LPP: variants seen among roughly 807,000 people sequenced by gnomAD.
The protein encoded by LPP is lipoma-preferred partner.
In LPP, 38 loss-of-function variants were observed where a neutral mutation model predicts 60.4. The ratio of observed to expected loss-of-function variants is 0.63; its 90% CI spans 0.49 to 0.83. The LOEUF is 0.83. Among genes scored for constraint, LPP ranks in the 40% least tolerant of loss-of-function variants. The pLI, the probability that LPP is intolerant of heterozygous loss-of-function variation, is 0.00. For missense variants in LPP, 902 were observed against 783.6 expected (o/e 1.15, Z -1.80); for synonymous variants, 328 against 290.8 (o/e 1.13, Z -1.30).
At chr3:188,227,158 T>A (rs112627556) in intron 2 of LPP, among the ~76,000 whole-genome samples, 4,425 of 151,448 alleles carry the variant, frequency 0.029, 225 homozygotes, top group African/African-American at 0.099. Context: ...AAGAGACTTT[T>A]ATTTATTTAT....
intron 9 of LPP, among the ~76,000 whole-genome samples, chr3:188,797,784 G>A (rs139895266): frequency 5.0e-3 from 757 of 152,308 alleles, no homozygotes; most frequent in Admixed American, 8.3e-3. Context: ...GCATTTATAT[G>A]TGTATGTATT....
intron 10 of LPP, among the ~76,000 whole-genome samples, chr3:188,872,393 G>T (rs761171548): frequency 6.6e-6 from 1 of 152,140 alleles, no homozygotes; most frequent in Non-Finnish European, 1.5e-5. Flanking sequence ...CGCGCACCAT[G>T]CAGGAAAGAG....
chr3:188,877,546 T>C lies in LPP; in HGVS notation c.*3067T>C. On this transcript the variant is annotated 3_prime_UTR_variant, in exon 12 of 12. Transcript: ENST00000617246. ...AGTCTCACTGGCCAAGAAAATTGCC[T>C]TTAAAACTCGAAAATAAGGCCAGGT... is the stretch of plus-strand genomic sequence containing the variant. The C allele has an allele frequency of 5.3e-6, 1 of 187,344 alleles. No homozygotes were observed. The highest frequency in any genetic ancestry group is 1.1e-5 in the Non-Finnish European group (1 of 88,692). 11.6% of individuals were successfully genotyped at this position (187,344 alleles called of 1,614,324 possible). A position where few individuals can be genotyped will look rare whatever the true frequency, so the allele number is the denominator to read the frequency against.
At chr3:188,346,357 T>G (rs977885716) in intron 3 of LPP, among the ~76,000 whole-genome samples, 1 of 149,120 alleles carries the variant, frequency 6.7e-6, no homozygotes, top group Non-Finnish European at 1.5e-5. Context: ...CCTCCCAGGT[T>G]CAAGCAATTC....
In LPP at chr3:188,874,817, G is replaced by T. The variant is rs1342169993; in HGVS notation, c.*338G>T. ...TGGTTGAATGGCTTTTCTTAGTGTGGTATTTGCTGTCACATAGTTTTTCCT... is the reference window on the plus strand; with the variant it reads ...TGGTTGAATGGCTTTTCTTAGTGTGTTATTTGCTGTCACATAGTTTTTCCT... On this transcript the variant is annotated 3_prime_UTR_variant, in exon 12 of 12. Coordinates refer to ENST00000617246, the MANE Select transcript of LPP (RefSeq NM_001375462.1). The T allele has an allele frequency of 8.0e-6, 2 of 250,254 alleles. No homozygotes were observed. Among genetic ancestry groups the T allele is most frequent in the Non-Finnish European group, 1.6e-5 (2 of 128,450 alleles). 15.5% of individuals were successfully genotyped at this position (250,254 alleles called of 1,614,324 possible).
intron 2 of LPP, among the ~76,000 whole-genome samples, chr3:188,282,208 C>T (rs939952249): frequency 6.6e-6 from 1 of 151,586 alleles, no homozygotes; most frequent in Admixed American, 6.6e-5. Flanking sequence ...ATATGGGGCT[C>T]AGTGGCCAGG....
intron 7 of LPP, among the ~76,000 whole-genome samples, chr3:188,619,231 G>A (rs1352687596): frequency 2.6e-5 from 4 of 152,126 alleles, no homozygotes; most frequent in African/African-American, 9.7e-5. Context: ...TACCATGTTG[G>A]CTAGGTTGGT....
At chr3:188,298,292 G>A (rs548084129) in intron 2 of LPP, among the ~76,000 whole-genome samples, 5 of 152,238 alleles carry the variant, frequency 3.3e-5, no homozygotes, top group East Asian at 3.9e-4. Flanking sequence ...AATGGATGCC[G>A]TTCTGTTATC....
intron 8 of LPP, among the ~76,000 whole-genome samples, chr3:188,730,114 A>G (rs1413063861): frequency 6.6e-6 from 1 of 152,178 alleles, no homozygotes. Context: ...CTAAGAAATT[A>G]GTAGATCTTT....
chr3:188,846,088 A>G (rs1029106376), intron 9 of LPP, among the ~76,000 whole-genome samples: 3 of 152,228 alleles, frequency 2.0e-5, no homozygotes, highest in African/African-American at 4.8e-5. Context: ...TTGTGCAGAC[A>G]CTGTGCTAGT....
At chr3:188,379,537 A>G (rs1042013717) in intron 3 of LPP, among the ~76,000 whole-genome samples, 1 of 152,198 alleles carries the variant, frequency 6.6e-6, no homozygotes, top group African/African-American at 2.4e-5. Flanking sequence ...AACAACAACA[A>G]CAACAAAAAC....
At chr3:188,804,211 G>GA (rs1443692604) in intron 9 of LPP, among the ~76,000 whole-genome samples, 8 of 101,980 alleles carry the variant, frequency 7.8e-5, no homozygotes, top group African/African-American at 3.0e-4. Context: ...GAGGTTTAAT[G>GA]AAAAAAATTA....
intron 4 of LPP, among the ~76,000 whole-genome samples, chr3:188,479,945 C>G (rs1472097441): frequency 6.6e-6 from 1 of 152,152 alleles, no homozygotes; most frequent in Non-Finnish European, 1.5e-5. Flanking sequence ...TTCTTGTTAT[C>G]TTCACCCTCT....
chr3:188,179,295 C>A, intron 1 of LPP: 1 of 458,392 alleles, frequency 2.2e-6, no homozygotes, highest in Non-Finnish European at 4.4e-6. Context: ...TTATCTGACC[C>A]GTGCATGTGC....
intron 4 of LPP, among the ~76,000 whole-genome samples, chr3:188,471,422 G>T (rs1245863851): frequency 6.6e-6 from 1 of 152,170 alleles, no homozygotes; most frequent in African/African-American, 2.4e-5. Context: ...TATGCATTAG[G>T]TATTTTGGTG....
intron 1 of LPP, among the ~76,000 whole-genome samples, chr3:188,221,803 A>G (rs1351334467): frequency 6.6e-6 from 1 of 152,236 alleles, no homozygotes. Context: ...TTTGAAATGT[A>G]GGCTTTGTTT....
chr3:188,206,726 G>T (rs1018093479), intron 1 of LPP, among the ~76,000 whole-genome samples: 36 of 152,194 alleles, frequency 2.4e-4, no homozygotes, highest in Non-Finnish European at 2.5e-4. Context: ...GTCTAGAATT[G>T]CAAGGGGTTG....
Position 188,866,361 on chromosome 3 carries a change from C to A in LPP, c.1572C>A (p.Cys524Ter). The A allele has an allele frequency of 6.6e-7, 1 of 1,505,646 alleles. No homozygotes were observed. The highest frequency in any genetic ancestry group is 8.9e-7 in the Non-Finnish European group (1 of 1,120,186). The allele number at this position is 1,505,646 out of a possible 1,614,324, so 93.3% of individuals were successfully genotyped here. A position where few individuals can be genotyped will look rare whatever the true frequency, so the allele number is the denominator to read the frequency against. The change falls in exon 10 of 12, where the codon TGC becomes TGA. Residue 524 changes from cysteine (C) to a stop codon, truncating the protein, a stop_gained. Coordinates refer to ENST00000617246, the MANE Select transcript of LPP (RefSeq NM_001375462.1). LOFTEE classifies it high-confidence loss of function. ...TGGATGCTGGCGGGCTCATTCACTG[C>A]ATTGAGGACTTCCACAAGTAGGCAA... ...FTVDAGGLIH[C>*]IEDFHKKFAP...
rs373747860 is a variant in LPP at position 188,822,980 on chromosome 3, A to G, written c.1411-43220A>G. On this transcript the variant is annotated intron_variant, in intron 9 of 11. Coordinates refer to ENST00000617246, the MANE Select transcript of LPP (RefSeq NM_001375462.1). ...ATTAGGGCAGGTTTTTTTGTGCAAA[A>G]GCCTTGTCATGGGCTAGATGACATT... Among the ~76,000 whole-genome samples the G allele has an allele frequency of 4.6e-5, 7 of 152,096 alleles. No homozygotes were observed. The East Asian group carries it at 5.8e-4, about 13-fold the overall frequency.
Sources: gnomAD v4.1 joint callset for allele counts (sites outside exome capture counted in the v4.1 genomes callset) on GRCh38, gnomAD v4.1.1 for gene constraint, MANE v1.5 for transcripts, NCBI Gene and HGNC (gene_info 2026-07-23, HGNC 2026-07-21) for gene names.